EPB41L2: variants seen among roughly 807,000 people sequenced by gnomAD.
The protein encoded by EPB41L2 is band 4.1-like protein 2.
A neutral mutation model predicts 113.0 loss-of-function variants in EPB41L2; 43 were observed. That is an observed-to-expected ratio of 0.38 (90% confidence interval 0.30 to 0.49). EPB41L2 has a LOEUF of 0.49. Ranked by LOEUF, EPB41L2 falls within the 20% of genes least tolerant of loss-of-function variation. The probability of loss-of-function intolerance (pLI) is 0.95; values close to 1 mark genes in which losing one functional copy is unlikely to be tolerated. For synonymous variants in EPB41L2, 442 were observed against 436.7 expected, an observed-to-expected ratio of 1.01 and a Z score of -0.15; for missense variants, 1,147 against 1,223.4, an observed-to-expected ratio of 0.94 and a Z score of 0.93.
chr6:130,942,835 A>G (rs1222476781), intron 3 of EPB41L2, among the ~76,000 whole-genome samples: 2 of 152,056 alleles, frequency 1.3e-5, no homozygotes, highest in African/African-American at 4.8e-5. Flanking sequence ...CCCACTTATG[A>G]GTGAGAACAT....
Position 130,920,135 on chromosome 6 carries a change from A to G in EPB41L2, c.810+6470T>C, listed in dbSNP as rs1265960636. Among the ~76,000 whole-genome samples the G allele has an allele frequency of 2.6e-5, 4 of 152,192 alleles. No homozygotes were observed. In the East Asian group the frequency reaches 7.7e-4, roughly 29 times the overall value. Reference sequence around the variant, plus strand: ...ACTTCTCTTGGGTTTTCTCATAGCTAAAGTCAAAGTTATTTCCATCAAAGT... The same window carrying G: ...ACTTCTCTTGGGTTTTCTCATAGCTGAAGTCAAAGTTATTTCCATCAAAGT... On this transcript the variant is annotated intron_variant, in intron 4 of 19. Transcript: ENST00000337057.
intron 19 of EPB41L2, among the ~76,000 whole-genome samples, chr6:130,849,931 A>G (rs754109424): frequency 6.6e-6 from 1 of 152,104 alleles, no homozygotes; most frequent in South Asian, 2.1e-4. Context: ...CAATTTGGTA[A>G]TATGTCAAAA....
chr6:130,873,967 T>C (rs1786630483), intron 14 of EPB41L2, among the ~76,000 whole-genome samples: 2 of 151,962 alleles, frequency 1.3e-5, no homozygotes, highest in South Asian at 2.1e-4. Context: ...CTTGGGGAAG[T>C]GGGGGTGGGT....
chr6:130,885,592 G>T (rs1322121749), intron 11 of EPB41L2, among the ~76,000 whole-genome samples: 1 of 152,112 alleles, frequency 6.6e-6, no homozygotes, highest in African/African-American at 2.4e-5. Flanking sequence ...AAGGCAAACA[G>T]AATTACAAGG....
rs185786354 is a variant in EPB41L2, at chr6:130,851,560, T to C, written c.*5+6571A>G. 9.8e-5 allele frequency among the ~76,000 whole-genome samples: 15 copies of C among 152,312 alleles called. No individual in the cohort carries two copies. In the East Asian group the frequency reaches 2.9e-3, roughly 29 times the overall value. On this transcript the variant is annotated intron_variant, in intron 19 of 19. Transcript: ENST00000337057. ...CTCCATGACACCTAATGTTCTCCCA[T>C]CTTCTCAGATGAAGGCAGGCAGAGC...
chr6:131,012,527 T>G (rs1787277296), intron 1 of EPB41L2, among the ~76,000 whole-genome samples: 1 of 148,400 alleles, frequency 6.7e-6, no homozygotes, highest in Admixed American at 6.8e-5. Flanking sequence ...ACTTATTAAC[T>G]ATACAATGAA....
At chr6:130,863,109 T>C (rs1287065351) in intron 18 of EPB41L2, among the ~76,000 whole-genome samples, 1 of 152,222 alleles carries the variant, frequency 6.6e-6, no homozygotes, top group Non-Finnish European at 1.5e-5. Context: ...ATGATTCTTT[T>C]AAAAAATTTT....
At chr6:130,937,671 T>C (rs1458143966) in intron 3 of EPB41L2, among the ~76,000 whole-genome samples, 1 of 152,056 alleles carries the variant, frequency 6.6e-6, no homozygotes, top group Non-Finnish European at 1.5e-5. Flanking sequence ...CTACAAAAAA[T>C]TGCCAGTTGC....
chr6:131,002,899 C>A (rs1418999151), intron 1 of EPB41L2, among the ~76,000 whole-genome samples: 1 of 152,060 alleles, frequency 6.6e-6, no homozygotes, highest in African/African-American at 2.4e-5. Context: ...TTAAGTCATC[C>A]TACAGGAAAA....
intron 3 of EPB41L2, among the ~76,000 whole-genome samples, chr6:130,930,547 AC>A (rs1806476980): frequency 2.6e-5 from 4 of 152,194 alleles, no homozygotes; most frequent in African/African-American, 9.6e-5. Flanking sequence ...AACCTGTACC[AC>A]CATCTGACTC....
intron 1 of EPB41L2, among the ~76,000 whole-genome samples, chr6:131,005,515 G>T (rs1439751374): frequency 6.6e-6 from 1 of 152,180 alleles, no homozygotes; most frequent in Non-Finnish European, 1.5e-5. Flanking sequence ...GTGGAAAGGG[G>T]AGTGTTGGGG....
chr6:131,018,696 C>T (rs1354802398), intron 1 of EPB41L2, among the ~76,000 whole-genome samples: 1 of 152,160 alleles, frequency 6.6e-6, no homozygotes, highest in Non-Finnish European at 1.5e-5. Context: ...TCCATAAATA[C>T]ATCTATAATG....
chr6:131,054,689 G>A (rs535979388), intron 1 of EPB41L2, among the ~76,000 whole-genome samples: 18 of 152,308 alleles, frequency 1.2e-4, no homozygotes, highest in South Asian at 2.1e-4. Flanking sequence ...ACTTGAGACC[G>A]TCATTACGAG....
intron 1 of EPB41L2, among the ~76,000 whole-genome samples, chr6:130,968,072 C>G (rs1480695774): frequency 1.3e-5 from 2 of 151,442 alleles, no homozygotes; most frequent in African/African-American, 4.9e-5. Flanking sequence ...TCAGCCCCAT[C>G]ATAAAACTCG....
At chr6:130,906,676 T>C (rs528520383) in intron 5 of EPB41L2, among the ~76,000 whole-genome samples, 11 of 152,332 alleles carry the variant, frequency 7.2e-5, no homozygotes, top group Non-Finnish European at 1.2e-4. Context: ...AAGTTGTTGG[T>C]TGTCATAGGT....
chr6:130,924,533 CA>C (rs1481691904), intron 4 of EPB41L2, among the ~76,000 whole-genome samples: 3 of 152,102 alleles, frequency 2.0e-5, no homozygotes, highest in Admixed American at 6.5e-5. Flanking sequence ...CGCATGCCAC[CA>C]TGCCCGACTA....
At chr6:130,844,035 T>C (rs1200945956) in intron 19 of EPB41L2, among the ~76,000 whole-genome samples, 1 of 152,186 alleles carries the variant, frequency 6.6e-6, no homozygotes, top group African/African-American at 2.4e-5. Context: ...ACTCCAGAAA[T>C]TGACTCAGTA....
chr6:131,038,810 T>A (rs970287085), intron 1 of EPB41L2, among the ~76,000 whole-genome samples: 1 of 152,184 alleles, frequency 6.6e-6, no homozygotes, highest in Non-Finnish European at 1.5e-5. Context: ...AAACTGGCAA[T>A]TCGTATTTAA....
chr6:131,035,952 G>A (rs545887237), intron 1 of EPB41L2, among the ~76,000 whole-genome samples: 10 of 152,330 alleles, frequency 6.6e-5, no homozygotes, highest in African/African-American at 2.2e-4. Context: ...GAGAAGGTTT[G>A]AGAGAAACGG....
Sources: gnomAD v4.1 joint callset for allele counts (sites outside exome capture counted in the v4.1 genomes callset) on GRCh38, gnomAD v4.1.1 for gene constraint, MANE v1.5 for transcripts, NCBI Gene and HGNC (gene_info 2026-07-23, HGNC 2026-07-21) for gene names.